PSD: variants seen among roughly 807,000 people sequenced by gnomAD.
The protein encoded by PSD is pleckstrin and Sec7 domain containing, also known as PH and SEC7 domain-containing protein 1.
A neutral mutation model predicts 91.6 loss-of-function variants in PSD; 32 were observed. The observed-to-expected ratio is 0.35, with a 90% CI of 0.26 to 0.47. PSD has a LOEUF of 0.47. Among genes scored for constraint, PSD ranks in the 20% least tolerant of loss-of-function variants. The pLI is 1.00. For missense variants in PSD, 1,099 were observed against 1,373.9 expected, an observed-to-expected ratio of 0.80 and a Z score of 3.16; for synonymous variants, 532 against 569.3, an observed-to-expected ratio of 0.93 and a Z score of 0.93.
rs1278137069 is a variant in PSD at position 102,405,575 on chromosome 10, G to A, written c.2136-39C>T. On this transcript the variant is annotated intron_variant, in intron 11 of 16. Coordinates refer to ENST00000020673, the MANE Select transcript of PSD (RefSeq NM_002779.5). This position sits in a 1 kb window ranked among gnomAD's most constrained non-coding sequence, Gnocchi z 5.4. Reference sequence around the variant, plus strand: ...CACCTCAGAGGGGGCTGGCCATGGAGCCGCGGCCCCCGCTTCAGTTCTGGC... The same window carrying A: ...CACCTCAGAGGGGGCTGGCCATGGAACCGCGGCCCCCGCTTCAGTTCTGGC... The A allele has an allele frequency of 6.4e-7, 1 of 1,570,260 alleles. No homozygotes were observed. The highest frequency in any genetic ancestry group is 1.4e-5 in the African/African-American group (1 of 73,862).
Position 102,409,361 on chromosome 10 carries a change from C to A in PSD, c.2091+1497G>T, listed in dbSNP as rs1305874475. The A allele has an allele frequency of 1.0e-6, 1 of 985,174 alleles. No individual in the cohort carries two copies. The highest frequency in any genetic ancestry group is 1.7e-5 in the African/African-American group (1 of 57,224). 61.0% of individuals were successfully genotyped at this position (985,174 alleles called of 1,614,324 possible). On this transcript the variant is annotated intron_variant, in intron 10 of 16. Transcript: ENST00000020673. This position sits in a 1 kb window ranked among gnomAD's most constrained non-coding sequence, Gnocchi z 5.7. The stretch of plus-strand genomic sequence containing the variant: ...GCGGGGACCGCATGAAATGGAGGCG[C>A]CCGATCGCGAAGGGGGCCCTCCCCG...
chr10:102,404,867 G>T lies in PSD; in HGVS notation c.2555+31C>A. On this transcript the variant is annotated intron_variant, in intron 14 of 16. Transcript: ENST00000020673. This position sits in a 1 kb window ranked among gnomAD's most constrained non-coding sequence, Gnocchi z 5.7. ...GAGCAGGATGGGAGGTGGGGGAAGG[G>T]GTCCGGGATGGGCAGGAGGAGGGCA... is the stretch of plus-strand genomic sequence containing the variant. The T allele has an allele frequency of 6.2e-7, 1 of 1,607,602 alleles. No homozygotes were observed.
At chr10:102,407,572 ATTG>A (rs1391723326) in intron 10 of PSD, among the ~76,000 whole-genome samples, 1 of 152,060 alleles carries the variant, frequency 6.6e-6, no homozygotes, top group African/African-American at 2.4e-5. Flanking sequence ...TATTATCTTT[ATTG>A]TTGTTAAGGG....
rs532438094 is a variant in PSD, at chr10:102,407,813, G to A, written c.2092-547C>T. On this transcript the variant is annotated intron_variant, in intron 10 of 16. Coordinates refer to ENST00000020673, the MANE Select transcript of PSD (RefSeq NM_002779.5). ...ATCATGGCTCCCAACACCAAGACAA[G>A]CTGAGGCCTCCCCCTAACCCTGACA... Among the ~76,000 whole-genome samples the A allele has an allele frequency of 1.7e-3, 256 of 152,226 alleles. 1 individual carries two copies. Among genetic ancestry groups the A allele is most frequent in the African/African-American group, 6.0e-3 (251 of 41,526 alleles).
chr10:102,413,239 C>T (rs931694347), intron 5 of PSD, among the ~76,000 whole-genome samples: 5 of 152,156 alleles, frequency 3.3e-5, no homozygotes, highest in African/African-American at 1.2e-4. Flanking sequence ...TCTCCCTGGC[C>T]ACCCCCTCCT....
Position 102,414,920 on chromosome 10 carries a change from T to G in PSD, c.1067A>C (p.Glu356Ala). The change falls in exon 4 of 17, where the codon GAG (glutamate) becomes GCG (alanine). Residue 356 changes from glutamate (E) to alanine (A), a missense_variant. Physicochemically the swap from Glu to Ala is moderately radical, Grantham distance 107 (BLOSUM62 -1). Coordinates refer to ENST00000020673, the MANE Select transcript of PSD (RefSeq NM_002779.5). The surrounding 1 kb of genome is among the most constrained non-coding windows in gnomAD (Gnocchi z 5.6). ...GSGNEDEDDDEAGGEEDVDDE... is the reference protein window; with the variant it reads ...GSGNEDEDDDAAGGEEDVDDE... ...GTCCACATCTTCTTCCCCACCTGCC[T>G]CATCGTCGTCCTCATCCTCATTGCC... The G allele has an allele frequency of 6.6e-7, 1 of 1,518,998 alleles. No homozygotes were observed. The allele number at this position is 1,518,998 out of a possible 1,614,324, so 94.1% of individuals were successfully genotyped here.
chr10:102,405,652 A>G lies in PSD; in HGVS notation c.2136-116T>C. On this transcript the variant is annotated intron_variant, in intron 11 of 16. Transcript: ENST00000020673. The surrounding 1 kb of genome is among the most constrained non-coding windows in gnomAD (Gnocchi z 5.4). ...CAGTGTTTGTGGCTTGGGGGGCTCA[A>G]CCTGAGGGTCCTGCCATGTCTCCCG... The G allele has an allele frequency of 1.1e-6, 1 of 939,704 alleles. No individual in the cohort carries two copies. Among genetic ancestry groups the G allele is most frequent in the South Asian group, 1.7e-5 (1 of 60,500 alleles). 58.2% of individuals were successfully genotyped at this position (939,704 alleles called of 1,614,324 possible).
Position 102,403,881 on chromosome 10 carries a change from A to G in PSD, c.2805T>C (p.Ala935=). The change falls in exon 16 of 17, where the codon GCT becomes GCC. Residue 935 remains alanine (A), a synonymous_variant. Transcript: ENST00000020673. The surrounding 1 kb of genome is among the most constrained non-coding windows in gnomAD (Gnocchi z 6.7). ...QLGKKGRGKE[A]EEQRQKEAYL... ...AGGCCTCCTTCTGCCGCTGCTCTTC[A>G]GCCTCCTTGCCCCGGCCCTTCTTGC... The G allele has an allele frequency of 6.2e-7, 1 of 1,608,834 alleles. No individual in the cohort carries two copies. The highest frequency in any genetic ancestry group is 8.5e-7 in the Non-Finnish European group (1 of 1,177,714).
Position 102,404,679 on chromosome 10 carries a change from G to A in PSD, c.2604C>T (p.Ala868=), listed in dbSNP as rs1383241652. 17 of 1,608,176 alleles carry A rather than the reference G, an allele frequency of 1.1e-5. No homozygotes were observed. Among genetic ancestry groups the A allele is most frequent in the South Asian group, 2.2e-5 (2 of 90,022 alleles). Residue 868 remains alanine (A), a synonymous_variant, in exon 15 of 17, where the codon GCC becomes GCT. Transcript: ENST00000020673. This position sits in a 1 kb window ranked among gnomAD's most constrained non-coding sequence, Gnocchi z 5.7. ...QSWITRINVV[A]AMFSAPPFPA... is the part of the protein sequence containing the mutation. ...GGAAGGGGGGCGCAGAGAACATAGC[G>A]GCTACTACATTGATGCGAGTGATCC...
intron 1 of PSD, among the ~76,000 whole-genome samples, chr10:102,418,347 G>T (rs1447827202): frequency 2.6e-5 from 4 of 152,032 alleles, no homozygotes; most frequent in Admixed American, 2.0e-4. Flanking sequence ...GCACACAGAG[G>T]TCCAGGTGTA....
Position 102,412,530 on chromosome 10 carries a change from C to T in PSD, c.1599G>A (p.Leu533=), listed in dbSNP as rs779567626. 1 of 1,613,898 alleles carries T rather than the reference C, an allele frequency of 6.2e-7. No individual in the cohort carries two copies. Among genetic ancestry groups the T allele is most frequent in the Admixed American group, 1.7e-5 (1 of 59,998 alleles). ...CCAGGGCCAGCCGCTCTGTGCTGTC[C>T]AGCTCTGAGTCTGAGTCGGACACCA... ...SQLVSDSDSE[L]DSTERLALGS... is the part of the protein sequence containing the mutation. The change falls in exon 6 of 17, where the codon CTG becomes CTA. Residue 533 remains leucine (L), a synonymous_variant. Transcript: ENST00000020673.
rs368471396 is a variant in PSD at position 102,405,305 on chromosome 10, C to A, written c.2326+41G>T. On this transcript the variant is annotated intron_variant, in intron 12 of 16. Transcript: ENST00000020673. The surrounding 1 kb of genome is among the most constrained non-coding windows in gnomAD (Gnocchi z 5.4). ...GGCCCTGGAACAGGCCCACTCCCAT[C>A]CATCCCCTAGACGCCCGCCCCCCGC... 216 of 1,608,620 alleles carry A rather than the reference C, an allele frequency of 1.3e-4. 6 individuals are homozygous for A. The East Asian group carries it at 1.8e-3, about 13-fold the overall frequency.
chr10:102,419,626 A>G (rs1036064319), upstream of PSD: 1 of 156,850 alleles, frequency 6.4e-6, no homozygotes, highest in Non-Finnish European at 1.4e-5. The surrounding 1 kb of genome is among the most constrained non-coding windows in gnomAD (Gnocchi z 4.8). Context: ...GGGCGCGAGG[A>G]CGTGCGAGGC....
At position 102,404,752 on chromosome 10, in the gene PSD, G is replaced by A. The variant is rs2061340659; in HGVS notation, c.2556-25C>T. 4 of 1,557,026 alleles carry A rather than the reference G, an allele frequency of 2.6e-6. No homozygotes were observed. Among genetic ancestry groups the A allele is most frequent in the Admixed American group, 3.7e-5 (2 of 53,792 alleles). ...CCTGGGGAGAAAGCACAGCCCTTTG[G>A]GACCTGGGCCCAGGGTTTCTGTCCC... On this transcript the variant is annotated intron_variant, in intron 14 of 16. Coordinates refer to ENST00000020673, the MANE Select transcript of PSD (RefSeq NM_002779.5). The surrounding 1 kb of genome is among the most constrained non-coding windows in gnomAD (Gnocchi z 5.7).
rs1262734511 is a variant in PSD, at chr10:102,407,275, T to TG, written c.2092-10dup. The TG allele has an allele frequency of 6.4e-7, 1 of 1,553,622 alleles. No homozygotes were observed. The highest frequency in any genetic ancestry group is 1.2e-5 in the South Asian group (1 of 82,834). ...ATGGAGCTGTACAAGGCCTGGGGGG[T>TG]GGGGGGAACAAATTAGGGGGTTGTG... is the stretch of plus-strand genomic sequence containing the variant. On this transcript the variant is annotated splice_polypyrimidine_tract_variant and intron_variant, in intron 10 of 16. Transcript: ENST00000020673.
Position 102,403,344 on chromosome 10 carries a change from C to T in PSD, c.2931G>A (p.Leu977=), listed in dbSNP as rs2061308337. ...SEELDAVEAA[L]AQAGSTEDGL... ...CATCCTCTGTGCTCCCGGCCTGGGCCAGTGCTGCCTCCACTGCATCCAGCT... is the reference window on the plus strand; with the variant it reads ...CATCCTCTGTGCTCCCGGCCTGGGCTAGTGCTGCCTCCACTGCATCCAGCT... The change falls in exon 17 of 17, where the codon CTG becomes CTA. Residue 977 remains leucine (L), a synonymous_variant. Transcript: ENST00000020673. This position sits in a 1 kb window ranked among gnomAD's most constrained non-coding sequence, Gnocchi z 6.7. 1 of 1,614,066 alleles carries T rather than the reference C, an allele frequency of 6.2e-7. No homozygotes were observed. Among genetic ancestry groups the T allele is most frequent in the African/African-American group, 1.3e-5 (1 of 75,066 alleles).
rs2061304554 is a variant in PSD at position 102,403,169 on chromosome 10, C to T, written c.*31G>A. The T allele has an allele frequency of 1.4e-6, 2 of 1,450,186 alleles. No individual in the cohort carries two copies. Among genetic ancestry groups the T allele is most frequent in the African/African-American group, 1.4e-5 (1 of 69,528 alleles). 89.8% of individuals were successfully genotyped at this position (1,450,186 alleles called of 1,614,324 possible). On this transcript the variant is annotated 3_prime_UTR_variant, in exon 17 of 17. Transcript: ENST00000020673. This position sits in a 1 kb window ranked among gnomAD's most constrained non-coding sequence, Gnocchi z 6.7. Reference sequence around the variant, plus strand: ...CAGGGCCATGTCATCCTTCAGGTGCCCAGCAGGCACTCCCCACCCTAAACC... The same window carrying T: ...CAGGGCCATGTCATCCTTCAGGTGCTCAGCAGGCACTCCCCACCCTAAACC...
intron 7 of PSD, 34 bp from the exon 8 acceptor site, chr10:102,411,853 C>T: frequency 2.7e-6 from 4 of 1,473,220 alleles, no homozygotes; most frequent in Non-Finnish European, 3.8e-6. Context: ...TGCCTAGCAA[C>T]CAGGAGTTTC....
Position 102,413,996 on chromosome 10 carries a change from AAAGGTGAAG to A in PSD, c.1317_1325del (p.Phe440_Phe442del). 6.2e-7 allele frequency: 1 copy of A among 1,613,954 alleles called. No individual in the cohort carries two copies. Among genetic ancestry groups the A allele is most frequent in the Non-Finnish European group, 8.5e-7 (1 of 1,179,846 alleles). Reference sequence around the variant, plus strand: ...GTGCAGGGGGTTGGGGAGGCAGCTCAAAGGTGAAGAAGGGGCTCTGGGTTGGGCCAGGTG... The same window carrying A: ...GTGCAGGGGGTTGGGGAGGCAGCTCAAAGGGGCTCTGGGTTGGGCCAGGTG... On this transcript the variant is annotated inframe_deletion, in exon 5 of 17. Transcript: ENST00000020673.
Sources: allele counts gnomAD v4.1 joint callset (sites outside exome capture counted in the v4.1 genomes callset), GRCh38; gene constraint gnomAD v4.1.1; non-coding constraint Gnocchi (gnomAD v3.1); transcripts MANE v1.5; gene names NCBI Gene and HGNC (gene_info 2026-07-23, HGNC 2026-07-21).